The following PTPRN2 variants were observed in gnomAD, a reference collection of about 807,000 sequenced individuals.
The protein encoded by PTPRN2 is protein tyrosine phosphatase receptor type N2, also known as receptor-type tyrosine-protein phosphatase N2.
In PTPRN2, 74 loss-of-function variants were observed where a neutral mutation model predicts 118.8. The ratio of observed to expected loss-of-function variants is 0.62; its 90% confidence interval spans 0.52 to 0.76. PTPRN2 has a LOEUF of 0.76. Ranked by LOEUF, PTPRN2 falls within the 30% of genes least tolerant of loss-of-function variation. The probability of loss-of-function intolerance (pLI) is 0.00; values close to 1 mark genes in which losing one functional copy is unlikely to be tolerated. For synonymous variants in PTPRN2, 641 were observed against 608.0 expected, an observed-to-expected ratio of 1.05 and a Z score of -0.80; for missense variants, 1,481 against 1,394.4, an observed-to-expected ratio of 1.06 and a Z score of -0.99.
At chr7:157,649,377 G>A (rs1234529558) in intron 14 of PTPRN2, among the ~76,000 whole-genome samples, 8 of 113,530 alleles carry the variant, frequency 7.0e-5, no homozygotes, top group African/African-American at 2.4e-4. Flanking sequence ...TGAACTCGGT[G>A]GGTCGGACCC....
At chr7:158,308,194 T>C (rs1369808876) in intron 3 of PTPRN2, among the ~76,000 whole-genome samples, 1 of 152,232 alleles carries the variant, frequency 6.6e-6, no homozygotes, top group Non-Finnish European at 1.5e-5. Context: ...GGCAGTGGAA[T>C]GATATATTCA....
chr7:157,600,472 G>A (rs1477851654), intron 16 of PTPRN2, among the ~76,000 whole-genome samples: 2 of 152,220 alleles, frequency 1.3e-5, no homozygotes, highest in African/African-American at 4.8e-5. Flanking sequence ...CCAGGCTGGA[G>A]TGTGGTGGCA....
At chr7:157,666,788 C>T (rs1261949746) in intron 13 of PTPRN2, among the ~76,000 whole-genome samples, 1 of 152,250 alleles carries the variant, frequency 6.6e-6, no homozygotes, top group East Asian at 1.9e-4. Flanking sequence ...GCCTGGCTTG[C>T]AGACTCGGCC....
At chr7:157,736,624 C>G (rs896023352) in intron 12 of PTPRN2, among the ~76,000 whole-genome samples, 1 of 152,114 alleles carries the variant, frequency 6.6e-6, no homozygotes. Context: ...TTAATGCACC[C>G]AGTCTGTGGT....
At chr7:158,220,734 C>T (rs1238760658) in intron 3 of PTPRN2, among the ~76,000 whole-genome samples, 1 of 151,762 alleles carries the variant, frequency 6.6e-6, no homozygotes, top group African/African-American at 2.4e-5. Flanking sequence ...AACAACATTC[C>T]ACGCTCATGG....
At chr7:157,599,191 G>A (rs1395223419) in intron 16 of PTPRN2, among the ~76,000 whole-genome samples, 1 of 152,088 alleles carries the variant, frequency 6.6e-6, no homozygotes, top group Non-Finnish European at 1.5e-5. Flanking sequence ...TGTATTTTTA[G>A]TAGAGATGGG....
chr7:158,524,092 A>T (rs1824548543), intron 1 of PTPRN2, among the ~76,000 whole-genome samples: 1 of 68,666 alleles, frequency 1.5e-5, no homozygotes, highest in Non-Finnish European at 2.7e-5. Flanking sequence ...TCTACCCTGG[A>T]GTGGAGTCGT....
chr7:158,526,361 G>A lies in PTPRN2; in HGVS notation c.113-36576C>T, dbSNP rs1406317243. Among the ~76,000 whole-genome samples the A allele has an allele frequency of 6.6e-6, 1 of 152,222 alleles. No homozygotes were observed. The highest frequency in any genetic ancestry group is 1.5e-5 in the Non-Finnish European group (1 of 68,042). On this transcript the variant is annotated intron_variant, in intron 1 of 22. Coordinates refer to ENST00000389418, the MANE Select transcript of PTPRN2 (RefSeq NM_002847.5). The surrounding 1 kb of genome is among the most constrained non-coding windows in gnomAD (Gnocchi z 5.2). ...CCGTGGGACGCTGCAGAGATAACCA[G>A]GTAGAGCCACGCTCACGAGAACCAC...
At chr7:157,577,679 T>G (rs982218753) in intron 18 of PTPRN2, among the ~76,000 whole-genome samples, 15 of 152,186 alleles carry the variant, frequency 9.9e-5, no homozygotes, top group Non-Finnish European at 2.1e-4. Context: ...AGGCGAATGT[T>G]TTTTCTACTC....
intron 3 of PTPRN2, among the ~76,000 whole-genome samples, chr7:158,264,587 C>T (rs1797750015): frequency 6.6e-6 from 1 of 152,134 alleles, no homozygotes. Flanking sequence ...CGAGATGGCC[C>T]TTGCAACAGT....
intron 2 of PTPRN2, among the ~76,000 whole-genome samples, chr7:158,422,977 G>C (rs1278352675): frequency 6.6e-6 from 1 of 152,232 alleles, no homozygotes; most frequent in Non-Finnish European, 1.5e-5. Context: ...AGAGGGTGAC[G>C]ATAGCCAATC....
At chr7:158,259,414 G>A (rs1008026999) in intron 3 of PTPRN2, among the ~76,000 whole-genome samples, 5 of 152,186 alleles carry the variant, frequency 3.3e-5, no homozygotes, top group Non-Finnish European at 5.9e-5. Flanking sequence ...CTGCTGCTGT[G>A]CTGCAGGGAA....
chr7:157,982,320 GCCA>G, intron 11 of PTPRN2, among the ~76,000 whole-genome samples: 1 of 87,748 alleles, frequency 1.1e-5, no homozygotes, highest in Non-Finnish European at 2.2e-5. Flanking sequence ...GAGTCATAGA[GCCA>G]AGGAGGGGAA....
rs1343452415 is a variant in PTPRN2 at position 157,550,119 on chromosome 7, G to A, written c.2903-1100C>T. Among the ~76,000 whole-genome samples, 2 of 152,234 alleles carry A rather than the reference G, an allele frequency of 1.3e-5. No homozygotes were observed. Among genetic ancestry groups the A allele is most frequent in the Non-Finnish European group, 2.9e-5 (2 of 68,038 alleles). On this transcript the variant is annotated intron_variant, in intron 21 of 22. Coordinates refer to ENST00000389418, the MANE Select transcript of PTPRN2 (RefSeq NM_002847.5). This position sits in a 1 kb window ranked among gnomAD's most constrained non-coding sequence, Gnocchi z 5.2. ...AGGCCTTTCTCTCCGGCCGCAACCTGAGTGCACACCACATTCCTCGCCCAG... is the reference window on the plus strand; with the variant it reads ...AGGCCTTTCTCTCCGGCCGCAACCTAAGTGCACACCACATTCCTCGCCCAG...
At chr7:157,545,541 C>G (rs1386415645) in intron 22 of PTPRN2, among the ~76,000 whole-genome samples, 4 of 152,036 alleles carry the variant, frequency 2.6e-5, no homozygotes, top group African/African-American at 7.3e-5. Flanking sequence ...TGTGCCGCCT[C>G]TCTGGCGGCT....
At chr7:158,197,932 T>C (rs758244678) in intron 4 of PTPRN2, among the ~76,000 whole-genome samples, 8 of 152,144 alleles carry the variant, frequency 5.3e-5, no homozygotes, top group Non-Finnish European at 1.2e-4. Flanking sequence ...CCAAACAATA[T>C]CACTTTTCAA....
intron 12 of PTPRN2, among the ~76,000 whole-genome samples, chr7:157,762,508 A>G (rs2151009091): frequency 6.7e-6 from 1 of 149,006 alleles, no homozygotes; most frequent in East Asian, 2.0e-4. Flanking sequence ...AAAACCGAAC[A>G]CCGCATATTC....
chr7:157,863,799 C>T (rs563474089), intron 12 of PTPRN2: 9 of 152,338 alleles, frequency 5.9e-5, no homozygotes, highest in Admixed American at 2.6e-4. Flanking sequence ...CAGAGACAGA[C>T]GTGCACGTGT....
chr7:158,192,979 A>G (rs1172948301), intron 4 of PTPRN2, among the ~76,000 whole-genome samples: 2 of 152,130 alleles, frequency 1.3e-5, no homozygotes, highest in Non-Finnish European at 2.9e-5. Context: ...CGCCTGATAA[A>G]TGTGCATTGT....
Sources: gnomAD v4.1 joint callset for allele counts (sites outside exome capture counted in the v4.1 genomes callset) on GRCh38, gnomAD v4.1.1 for gene constraint, Gnocchi (gnomAD v3.1) non-coding constraint, MANE v1.5 for transcripts, NCBI Gene and HGNC (gene_info 2026-07-23, HGNC 2026-07-21) for gene names.